STX8: variants seen among roughly 807,000 people sequenced by gnomAD.
STX8 encodes the protein syntaxin-8.
STX8 carries 23 observed loss-of-function variants against 37.5 expected under a neutral mutation model. The observed-to-expected ratio is 0.61, with a 90% CI of 0.44 to 0.87. The LOEUF (loss-of-function observed/expected upper bound fraction) is 0.87. Among genes scored for constraint, STX8 ranks in the 40% least tolerant of loss-of-function variants. STX8 has a pLI of 0.00. For synonymous variants in STX8, 115 were observed against 99.1 expected, an observed-to-expected ratio of 1.16 and a Z score of -0.95; for missense variants, 313 against 284.7, an observed-to-expected ratio of 1.10 and a Z score of -0.71.
intron 7 of STX8, among the ~76,000 whole-genome samples, chr17:9,322,459 G>A (rs1431947953): frequency 6.6e-6 from 1 of 152,176 alleles, no homozygotes; most frequent in African/African-American, 2.4e-5. Flanking sequence ...AGGCCCACAG[G>A]GGGCCTGAGG....
chr17:9,513,333 AAG>A (rs1905077720), intron 4 of STX8, among the ~76,000 whole-genome samples: 1 of 151,446 alleles, frequency 6.6e-6, no homozygotes, highest in African/African-American at 2.4e-5. Context: ...AAAAAAAAAA[AAG>A]ATACACAAAA....
chr17:9,526,014 T>C (rs1019628286), intron 4 of STX8, among the ~76,000 whole-genome samples: 2 of 152,166 alleles, frequency 1.3e-5, no homozygotes, highest in Non-Finnish European at 2.9e-5. Context: ...AAGGCAAACT[T>C]AGCAATATGC....
chr17:9,336,081 C>T (rs1032427450), intron 7 of STX8, among the ~76,000 whole-genome samples: 2 of 152,072 alleles, frequency 1.3e-5, no homozygotes, highest in Non-Finnish European at 2.9e-5. Context: ...TTTGAATAGG[C>T]GAAACATTCC....
chr17:9,487,817 G>A (rs371720277), intron 6 of STX8, among the ~76,000 whole-genome samples: 39 of 152,284 alleles, frequency 2.6e-4, no homozygotes, highest in African/African-American at 9.1e-4. Flanking sequence ...TATACACGTC[G>A]CCACGTGGAT....
At chr17:9,449,508 C>A (rs1056816470) in intron 6 of STX8, among the ~76,000 whole-genome samples, 1 of 152,152 alleles carries the variant, frequency 6.6e-6, no homozygotes, top group Non-Finnish European at 1.5e-5. Flanking sequence ...CTGCAGTGAG[C>A]CGAGATGGAG....
rs985115252 is a variant in STX8 at position 9,485,591 on chromosome 17, G to T, written c.541+6238C>A. ...TTTGTTTTTGTTTTTTTGTTTTTTG[G>T]TTTTTTTTTTTTGAGACAGAGTCTT... is the stretch of plus-strand genomic sequence containing the variant. On this transcript the variant is annotated intron_variant, in intron 6 of 7. Coordinates refer to ENST00000306357, the MANE Select transcript of STX8 (RefSeq NM_004853.3). Among the ~76,000 whole-genome samples the T allele has an allele frequency of 5.7e-3, 836 of 146,018 alleles. 12 individuals are homozygous for T. Among genetic ancestry groups the T allele is most frequent in the Non-Finnish European group, 8.1e-3 (539 of 66,258 alleles).
intron 7 of STX8, among the ~76,000 whole-genome samples, chr17:9,343,018 C>CAAAAAAAAA (rs4063994): frequency 1.8e-5 from 2 of 110,498 alleles, no homozygotes; most frequent in African/African-American, 7.5e-5. Flanking sequence ...GAAACTGTCT[C>CAAAAAAAAA]AAAAAAAAAA....
rs568901244 is a variant in STX8 at position 9,251,320 on chromosome 17, C to G, written c.644-675G>C. On this transcript the variant is annotated intron_variant, in intron 7 of 7. Coordinates refer to ENST00000306357, the MANE Select transcript of STX8 (RefSeq NM_004853.3). ...CCATTGCCTGTTCCTTCACCTGATG[C>G]TGATGAAGTGGGCCCCACAGAATGC... 1.5e-3 allele frequency among the ~76,000 whole-genome samples: 225 copies of G among 152,340 alleles called. 1 individual carries two copies. The highest frequency in any genetic ancestry group is 2.4e-3 in the Non-Finnish European group (166 of 68,030).
intron 7 of STX8, among the ~76,000 whole-genome samples, chr17:9,364,006 CAAAT>C (rs1405974579): frequency 1.3e-5 from 2 of 152,154 alleles, no homozygotes; most frequent in African/African-American, 4.8e-5. Flanking sequence ...TCCCACTCCC[CAAAT>C]AAATGCTGTT....
rs564244909 is a variant in STX8, at chr17:9,449,724, A to G, written c.541+42105T>C. Among the ~76,000 whole-genome samples the G allele has an allele frequency of 6.6e-5, 10 of 152,190 alleles. No individual in the cohort carries two copies. In the East Asian group the frequency reaches 1.7e-3, roughly 26 times the overall value. On this transcript the variant is annotated intron_variant, in intron 6 of 7. Transcript: ENST00000306357. ...GATACAAAAAGCTACAAACTTCACA[A>G]TTCTATTTATATTCCATTTTGGAAA...
chr17:9,361,216 T>G (rs186939847), intron 7 of STX8, among the ~76,000 whole-genome samples: 5 of 152,216 alleles, frequency 3.3e-5, no homozygotes, highest in African/African-American at 4.8e-5. Flanking sequence ...GAAAAAAAAA[T>G]TATTAATGCA....
chr17:9,456,582 C>G (rs959204078), intron 6 of STX8, among the ~76,000 whole-genome samples: 3 of 152,108 alleles, frequency 2.0e-5, no homozygotes, highest in African/African-American at 7.2e-5. Flanking sequence ...TCTGCTTGAG[C>G]CATCCTAAAT....
At chr17:9,567,798 T>C (rs551915582) in intron 2 of STX8, among the ~76,000 whole-genome samples, 1 of 152,300 alleles carries the variant, frequency 6.6e-6, no homozygotes, top group African/African-American at 2.4e-5. Context: ...GCAATTCTCC[T>C]GCCTCAGCCT....
intron 6 of STX8, among the ~76,000 whole-genome samples, chr17:9,437,310 T>G (rs1904471155): frequency 6.6e-6 from 1 of 152,188 alleles, no homozygotes; most frequent in Admixed American, 6.5e-5. Context: ...AAGTACTGCT[T>G]AAAGGAGCCA....
At chr17:9,573,943 T>C (rs575595417) in intron 1 of STX8, among the ~76,000 whole-genome samples, 2 of 152,198 alleles carry the variant, frequency 1.3e-5, no homozygotes, top group South Asian at 4.1e-4. Flanking sequence ...AAATAAATTA[T>C]GGTCATTCAT....
rs117831105 is a variant in STX8 at position 9,536,245 on chromosome 17, G to A, written c.323+8927C>T. 3.7e-4 allele frequency among the ~76,000 whole-genome samples: 56 copies of A among 152,182 alleles called. 1 individual carries two copies. The East Asian group carries it at 6.8e-3, about 18-fold the overall frequency. On this transcript the variant is annotated intron_variant, in intron 4 of 7. Transcript: ENST00000306357. ...CTATTGTTATGCTTGGAGTGTGGCT[G>A]GGAACTGCTGTAGCTATTCTGAGAC...
At chr17:9,557,600 C>T (rs1907031741) in intron 2 of STX8, 72 bp from the exon 3 acceptor site, 3 of 1,315,964 alleles carry the variant, frequency 2.3e-6, no homozygotes, top group African/African-American at 2.9e-5. Flanking sequence ...ATCACGTAAA[C>T]ACTACTTCAC....
At chr17:9,525,729 G>A (rs1399764864) in intron 4 of STX8, among the ~76,000 whole-genome samples, 1 of 152,066 alleles carries the variant, frequency 6.6e-6, no homozygotes, top group Non-Finnish European at 1.5e-5. Flanking sequence ...TATCATGTAT[G>A]GTCCAGAGTT....
intron 7 of STX8, among the ~76,000 whole-genome samples, chr17:9,300,103 G>T (rs1020805570): frequency 1.3e-5 from 2 of 152,060 alleles, no homozygotes; most frequent in African/African-American, 4.8e-5. Context: ...AGACCGAGGC[G>T]GGCGGATCAC....
Sources: gnomAD v4.1 joint callset for allele counts (sites outside exome capture counted in the v4.1 genomes callset) on GRCh38, gnomAD v4.1.1 for gene constraint, MANE v1.5 for transcripts, NCBI Gene and HGNC (gene_info 2026-07-23, HGNC 2026-07-21) for gene names.